The following PDK1 variants were observed in gnomAD, a reference collection of about 807,000 sequenced individuals.
PDK1 encodes the protein [Pyruvate dehydrogenase (acetyl-transferring)] kinase isozyme 1, mitochondrial.
Under a neutral mutation model 54.2 loss-of-function variants are expected in PDK1, and 39 were observed. The observed-to-expected ratio is 0.72, with a 90% CI of 0.56 to 0.94. The LOEUF is 0.94. PDK1 is among the 40% of genes least tolerant of loss of function. The pLI is 0.00. For missense variants in PDK1, 552 were observed against 566.0 expected (o/e 0.98, Z 0.25); for synonymous variants, 221 against 207.1 (o/e 1.07, Z -0.58).
intron 8 of PDK1, 63 bp downstream of exon 8, chr2:172,570,887 A>T: frequency 2.2e-6 from 2 of 894,206 alleles, no homozygotes; most frequent in Non-Finnish European, 1.8e-6. Context: ...CAGACATGCA[A>T]AGGTAACCAT....
chr2:172,565,777 G>T (rs1476757225), intron 5 of PDK1, among the ~76,000 whole-genome samples: 1 of 152,108 alleles, frequency 6.6e-6, no homozygotes, highest in African/African-American at 2.4e-5. Flanking sequence ...TTTAGAAAAT[G>T]GGGTGCTCTA....
In PDK1 at chr2:172,570,758, C is replaced by T. The variant is rs56390044; in HGVS notation, c.879C>T (p.Ala293=). 4.8e-4 allele frequency: 765 copies of T among 1,609,752 alleles called. No individual in the cohort carries two copies. The highest frequency in any genetic ancestry group is 6.1e-4 in the Non-Finnish European group (717 of 1,176,266). ...TGAGAGCCACTATGGAACACCATGC[C>T]AACAGAGGTGTTTACCCCCCTATTC... is the stretch of plus-strand genomic sequence containing the variant. ...NAMRATMEHH[A]NRGVYPPIQV... is the part of the protein sequence containing the mutation. Residue 293 remains alanine, a synonymous_variant, in exon 8 of 11, where the codon GCC becomes GCT. Transcript: ENST00000282077.
the PDK1 span, among the ~76,000 whole-genome samples, chr2:172,668,906 T>TATATATAGAG: frequency 1.6e-4 from 21 of 130,648 alleles, no homozygotes; most frequent in African/African-American, 5.2e-4. Context: ...TATATATATA[T>TATATATAGAG]AGAGAGAGAG....
At chr2:172,668,979 C>T in the PDK1 span, among the ~76,000 whole-genome samples, 1 of 149,376 alleles carries the variant, frequency 6.7e-6, no homozygotes, top group African/African-American at 2.5e-5. Flanking sequence ...ATATTTGTCT[C>T]CCTGTGCCTG....
At chr2:172,622,372 A>G in the PDK1 span, among the ~76,000 whole-genome samples, 9 of 147,756 alleles carry the variant, frequency 6.1e-5, no homozygotes, top group Non-Finnish European at 7.5e-5. Flanking sequence ...TATATCATAT[A>G]TTATGTGAGA....
At chr2:172,699,826 A>G in the PDK1 span, among the ~76,000 whole-genome samples, 1 of 151,982 alleles carries the variant, frequency 6.6e-6, no homozygotes, top group African/African-American at 2.4e-5. Context: ...GCAGGGTCAC[A>G]GGACAACAGT....
chr2:172,575,693 G>A (rs879256022), intron 8 of PDK1, among the ~76,000 whole-genome samples: 19 of 151,862 alleles, frequency 1.3e-4, no homozygotes, highest in African/African-American at 2.7e-4. Flanking sequence ...ACGGTGGTGC[G>A]TGCCTGTAAT....
intron 8 of PDK1, among the ~76,000 whole-genome samples, chr2:172,574,582 A>G (rs769368427): frequency 6.6e-6 from 1 of 152,182 alleles, no homozygotes; most frequent in Non-Finnish European, 1.5e-5. Context: ...GGGCATCTTT[A>G]TAGGTCTTCT....
At chr2:172,694,290 A>C in the PDK1 span, among the ~76,000 whole-genome samples, 9 of 152,372 alleles carry the variant, frequency 5.9e-5, no homozygotes, top group East Asian at 1.7e-3. Context: ...AGACTACCCA[A>C]GCATTTAAGA....
the PDK1 span, among the ~76,000 whole-genome samples, chr2:172,715,215 C>A: frequency 6.6e-6 from 1 of 152,244 alleles, no homozygotes; most frequent in African/African-American, 2.4e-5. Flanking sequence ...CAGGCCAAGA[C>A]CCCATAGCAG....
the PDK1 span, among the ~76,000 whole-genome samples, chr2:172,706,055 G>A: frequency 2.0e-5 from 3 of 152,124 alleles, no homozygotes; most frequent in Non-Finnish European, 2.9e-5. Context: ...ATCACAATCA[G>A]GATATTAAGG....
intron 9 of PDK1, among the ~76,000 whole-genome samples, chr2:172,590,729 A>G (rs1480863295): frequency 6.6e-6 from 1 of 151,966 alleles, no homozygotes; most frequent in Non-Finnish European, 1.5e-5. Context: ...TGGGGTGGCC[A>G]GCTTTTATTC....
At chr2:172,568,651 T>C (rs1574479665) in intron 6 of PDK1, 90 bp from the exon 7 acceptor site, 2 of 799,348 alleles carry the variant, frequency 2.5e-6, no homozygotes, top group Non-Finnish European at 4.4e-6. Context: ...CCGTAGTTAA[T>C]GTTTTCTTTT....
the PDK1 span, among the ~76,000 whole-genome samples, chr2:172,675,094 A>G: frequency 6.6e-6 from 1 of 152,188 alleles, no homozygotes; most frequent in Admixed American, 6.5e-5. Flanking sequence ...GCAGATGGCA[A>G]ACTTGATTGA....
At chr2:172,718,565 T>A in the PDK1 span, among the ~76,000 whole-genome samples, 1 of 152,212 alleles carries the variant, frequency 6.6e-6, no homozygotes, top group East Asian at 1.9e-4. Flanking sequence ...TTAAATCAAA[T>A]GTGATGTAGT....
chr2:172,682,528 C>A, the PDK1 span, among the ~76,000 whole-genome samples: 3 of 152,204 alleles, frequency 2.0e-5, no homozygotes, highest in Admixed American at 1.3e-4. Context: ...AAGCAGCTGG[C>A]TAACCAGGGA....
At chr2:172,623,636 G>GTGATTGAAGGCAGAAC in the PDK1 span, among the ~76,000 whole-genome samples, 2 of 152,254 alleles carry the variant, frequency 1.3e-5, no homozygotes, top group East Asian at 3.9e-4. Flanking sequence ...TTTTTCCCTT[G>GTGATTGAAGGCAGAAC]TGATTGAAGG....
chr2:172,568,591 A>G, intron 6 of PDK1, 150 bp from the exon 7 acceptor site: 1 of 617,594 alleles, frequency 1.6e-6, no homozygotes, highest in Non-Finnish European at 2.9e-6. Flanking sequence ...TTCAAACACT[A>G]ATACATTGAA....
the PDK1 span, among the ~76,000 whole-genome samples, chr2:172,710,266 G>A: frequency 7.9e-5 from 12 of 152,308 alleles, no homozygotes; most frequent in Non-Finnish European, 1.3e-4. Flanking sequence ...ATTCACAAAG[G>A]AGTATGACAA....
Sources: gnomAD v4.1 joint callset for allele counts (sites outside exome capture counted in the v4.1 genomes callset) on GRCh38, gnomAD v4.1.1 for gene constraint, MANE v1.5 for transcripts, NCBI Gene and HGNC (gene_info 2026-07-23, HGNC 2026-07-21) for gene names.